Variants in SNX30 observed in about 807,000 individuals in gnomAD.
SNX30 encodes the protein sorting nexin family member 30, also known as sorting nexin-30.
A neutral mutation model predicts 46.4 loss-of-function variants in SNX30; 24 were observed. The observed-to-expected ratio is 0.52, with a 90% confidence interval of 0.37 to 0.73. The LOEUF is 0.73. Among genes scored for constraint, SNX30 ranks in the 30% least tolerant of loss-of-function variants. The pLI, the probability that SNX30 is intolerant of heterozygous loss-of-function variation, is 0.00. For synonymous variants in SNX30, 189 were observed against 211.5 expected (o/e 0.89, Z 0.92); for missense variants, 533 against 555.7 (o/e 0.96, Z 0.41).
chr9:112,848,852 G>A (rs757799037), intron 6 of SNX30, among the ~76,000 whole-genome samples: 4 of 152,196 alleles, frequency 2.6e-5, no homozygotes, highest in Non-Finnish European at 5.9e-5. Context: ...TGTTGTAGCT[G>A]AGTGGGGTTG....
At chr9:112,832,823 A>ATATATTTATTATATATATTATATATAT (rs1840688456) in intron 4 of SNX30, among the ~76,000 whole-genome samples, 1 of 143,366 alleles carries the variant, frequency 7.0e-6, no homozygotes, top group Non-Finnish European at 1.5e-5. Context: ...TTATATATTA[A>ATATATTTATTATATATATTATATATAT]TATATAATAA....
chr9:112,844,265 G>C (rs548293758), intron 6 of SNX30, among the ~76,000 whole-genome samples: 1 of 152,186 alleles, frequency 6.6e-6, no homozygotes, highest in African/African-American at 2.4e-5. Flanking sequence ...TTATTGGGAC[G>C]GGGAGGGTCC....
chr9:112,786,968 A>G (rs1259289115), intron 1 of SNX30, among the ~76,000 whole-genome samples: 1 of 152,068 alleles, frequency 6.6e-6, no homozygotes, highest in Non-Finnish European at 1.5e-5. Context: ...TTTCTTTTCC[A>G]GTGAACACGC....
At chr9:112,756,280 T>G (rs974231946) in intron 1 of SNX30, among the ~76,000 whole-genome samples, 1 of 152,080 alleles carries the variant, frequency 6.6e-6, no homozygotes, top group African/African-American at 2.4e-5. Flanking sequence ...ATTTTCCAAC[T>G]TCACACCTTC....
At chr9:112,790,722 T>G (rs1169306797) in intron 1 of SNX30, among the ~76,000 whole-genome samples, 1 of 152,218 alleles carries the variant, frequency 6.6e-6, no homozygotes, top group Non-Finnish European at 1.5e-5. Context: ...TACCATATAG[T>G]CTTTGTCCTC....
In SNX30 at chr9:112,868,822, G is replaced by T; in HGVS notation, c.1293G>T (p.Gln431His). ...MAWESIIPLL[Q>H]EKQEAK ...GGGAGTCGATTATTCCACTACTGCA[G>T]GAGAAACAAGAGGCCAAGTAAAGTT... Residue 431 changes from glutamine to histidine, a missense_variant, in exon 9 of 9, where the codon CAG (glutamine) becomes CAT (histidine). This residue lies in a region of SNX30 where 261 missense variants were observed against 270.9 expected (regional missense o/e 0.96). Transcript: ENST00000374232. The T allele has an allele frequency of 1.2e-6, 2 of 1,614,128 alleles. No homozygotes were observed. Among genetic ancestry groups the T allele is most frequent in the Non-Finnish European group, 1.7e-6 (2 of 1,179,986 alleles).
intron 2 of SNX30, among the ~76,000 whole-genome samples, chr9:112,814,037 A>G (rs1840360121): frequency 1.3e-5 from 2 of 152,182 alleles, no homozygotes; most frequent in African/African-American, 2.4e-5. Context: ...CATAGAGACT[A>G]TAGGTGAATA....
intron 2 of SNX30, among the ~76,000 whole-genome samples, chr9:112,816,389 C>T (rs1840396409): frequency 6.6e-6 from 1 of 152,186 alleles, no homozygotes; most frequent in African/African-American, 2.4e-5. Context: ...CTCTCCAGTC[C>T]TACAATGCTA....
chr9:112,771,877 T>C (rs900708835), intron 1 of SNX30, among the ~76,000 whole-genome samples: 3 of 152,176 alleles, frequency 2.0e-5, no homozygotes, highest in African/African-American at 4.8e-5. Context: ...AGGTCAAATA[T>C]GGGTGAATGT....
downstream of SNX30, chr9:112,879,796 G>T: frequency 6.2e-7 from 1 of 1,613,172 alleles, no homozygotes; most frequent in Non-Finnish European, 8.5e-7. Flanking sequence ...TGGTGACAAT[G>T]GGACTTGTTT....
intron 7 of SNX30, among the ~76,000 whole-genome samples, chr9:112,854,024 T>G (rs999232999): frequency 1.3e-5 from 2 of 152,256 alleles, no homozygotes; most frequent in Non-Finnish European, 2.9e-5. Flanking sequence ...ACGTCATGTA[T>G]GTAGTTCTGT....
chr9:112,856,325 G>A (rs534714199), intron 7 of SNX30, among the ~76,000 whole-genome samples: 93 of 145,898 alleles, frequency 6.4e-4, no homozygotes, highest in Non-Finnish European at 8.9e-4. Flanking sequence ...CCTGTGGTGT[G>A]TGTGGGGGGT....
At chr9:112,766,939 G>A (rs1302132988) in intron 1 of SNX30, among the ~76,000 whole-genome samples, 1 of 152,094 alleles carries the variant, frequency 6.6e-6, no homozygotes, top group Non-Finnish European at 1.5e-5. Context: ...ATATCTCTTT[G>A]AGACCTTCTT....
At chr9:112,841,782 G>A (rs1840863683) in intron 6 of SNX30, among the ~76,000 whole-genome samples, 1 of 152,222 alleles carries the variant, frequency 6.6e-6, no homozygotes, top group Non-Finnish European at 1.5e-5. Flanking sequence ...TCACATTGCT[G>A]CTCTGTAAGA....
chr9:112,862,900 A>G (rs1841260402), intron 7 of SNX30, among the ~76,000 whole-genome samples: 1 of 151,984 alleles, frequency 6.6e-6, no homozygotes, highest in Non-Finnish European at 1.5e-5. Context: ...TGTGCTTTGA[A>G]GAAGGCCTCT....
At chr9:112,794,151 A>AT (rs1291338919) in intron 1 of SNX30, among the ~76,000 whole-genome samples, 4 of 151,000 alleles carry the variant, frequency 2.6e-5, no homozygotes, top group Non-Finnish European at 4.4e-5. Flanking sequence ...ACATTCATTC[A>AT]TTTTTTTTCT....
chr9:112,839,429 T>C (rs537979545), intron 6 of SNX30, among the ~76,000 whole-genome samples: 94 of 151,730 alleles, frequency 6.2e-4, no homozygotes, highest in African/African-American at 2.2e-3. Flanking sequence ...GGAACAAGAG[T>C]GAGAATGGCT....
intron 2 of SNX30, among the ~76,000 whole-genome samples, chr9:112,812,575 A>G (rs1269728681): frequency 3.3e-5 from 5 of 152,032 alleles, no homozygotes; most frequent in African/African-American, 4.8e-5. Flanking sequence ...TTTCATGATA[A>G]CTTCTTACGT....
intron 2 of SNX30, among the ~76,000 whole-genome samples, chr9:112,811,258 G>A (rs1172479080): frequency 6.6e-6 from 1 of 152,222 alleles, no homozygotes; most frequent in Non-Finnish European, 1.5e-5. Flanking sequence ...GATAAGGGAA[G>A]AGATCCCTTT....
Sources: allele counts gnomAD v4.1 joint callset (sites outside exome capture counted in the v4.1 genomes callset), GRCh38; gene constraint gnomAD v4.1.1; regional missense constraint gnomAD v4.1.1; transcripts MANE v1.5; gene names NCBI Gene and HGNC (gene_info 2026-07-23, HGNC 2026-07-21).